Variants in RFPL1 observed in about 807,000 individuals in gnomAD.
RFPL1 encodes ret finger protein-like 1.
Under a neutral mutation model 9.6 loss-of-function variants are expected in RFPL1, and 6 were observed. The ratio of observed to expected loss-of-function variants is 0.62; its 90% confidence interval spans 0.34 to 1.23. The LOEUF is 1.23. Among genes scored for constraint, RFPL1 ranks in the 50% most tolerant of loss-of-function variants. The probability of loss-of-function intolerance (pLI) is 0.03; values close to 1 mark genes in which losing one functional copy is unlikely to be tolerated. For missense variants in RFPL1, 352 were observed against 398.4 expected (o/e 0.88, Z 0.99); for synonymous variants, 145 against 149.4 (o/e 0.97, Z 0.22).
chr22:29,410,589 A>AC, the RFPL1 span, among the ~76,000 whole-genome samples: 1 of 130,196 alleles, frequency 7.7e-6, no homozygotes, highest in South Asian at 2.3e-4. Context: ...ATATCTATCT[A>AC]TATATAGATA....
At chr22:29,436,190 A>G (rs112821532), upstream of RFPL1, among the ~76,000 whole-genome samples, 2,413 of 152,256 alleles carry the variant, frequency 0.016, 54 homozygotes, top group African/African-American at 0.056. Context: ...ATAAAATTAC[A>G]GCTAGATGGG....
chr22:29,419,091 C>A, the RFPL1 span: 1 of 973,480 alleles, frequency 1.0e-6, no homozygotes, highest in Admixed American at 1.7e-5. Flanking sequence ...CTGAAGTGGA[C>A]CCAAGCTATA....
At chr22:29,393,030 G>A in the RFPL1 span, among the ~76,000 whole-genome samples, 1 of 152,170 alleles carries the variant, frequency 6.6e-6, no homozygotes, top group Non-Finnish European at 1.5e-5. Flanking sequence ...ATGGGAGAAA[G>A]ATAAACAAAG....
chr22:29,433,017 AG>A, the RFPL1 span: 1 of 152,194 alleles, frequency 6.6e-6, no homozygotes, highest in African/African-American at 2.4e-5. Context: ...CTTACTAGCC[AG>A]GCACATTGGC....
chr22:29,441,488 G>A, intron 1 of RFPL1, 54 bp from the exon 2 acceptor site: 1 of 1,557,504 alleles, frequency 6.4e-7, no homozygotes, highest in Non-Finnish European at 8.7e-7. Flanking sequence ...GTAGAGGAGA[G>A]GCATGGGGTT....
Position 29,441,656 on chromosome 22 carries a change from T to C in RFPL1, c.488T>C (p.Phe163Ser), listed in dbSNP as rs774918682. Reference sequence around the variant, plus strand: ...AATCGGCAAGACCTTGCCGAGAGATTTGACGTGTCCATTTGCATCCTGGGC... The same window carrying C: ...AATCGGCAAGACCTTGCCGAGAGATCTGACGTGTCCATTTGCATCCTGGGC... The change falls in exon 2 of 2, where the codon TTT becomes TCT. Residue 163 changes from phenylalanine (F) to serine (S), a missense_variant. By Grantham distance (155) the Phe-to-Ser change is radical. Coordinates refer to ENST00000354373, the Ensembl canonical transcript of RFPL1. 1.9e-6 allele frequency: 3 copies of C among 1,613,898 alleles called. No individual in the cohort carries two copies. In the South Asian group the frequency reaches 3.3e-5, roughly 18 times the overall value.
At chr22:29,441,334 A>G in intron 1 of RFPL1, 1 of 581,960 alleles carries the variant, frequency 1.7e-6, no homozygotes, top group Non-Finnish European at 3.0e-6. Flanking sequence ...AATAATTGCT[A>G]CTGTGAATAA....
At chr22:29,408,363 G>A in the RFPL1 span, among the ~76,000 whole-genome samples, 36 of 152,180 alleles carry the variant, frequency 2.4e-4, no homozygotes, top group African/African-American at 8.7e-4. Flanking sequence ...CAACACCAAG[G>A]AGAATGGTCC....
the RFPL1 span, among the ~76,000 whole-genome samples, chr22:29,426,301 C>T: frequency 2.0e-5 from 3 of 149,732 alleles, no homozygotes; most frequent in Non-Finnish European, 3.0e-5. Context: ...CTAGCCTGGG[C>T]GACAGAGCAA....
the RFPL1 span, among the ~76,000 whole-genome samples, chr22:29,418,350 A>G: frequency 1.8e-4 from 28 of 152,282 alleles, no homozygotes; most frequent in African/African-American, 6.5e-4. Flanking sequence ...GGTGCGATAG[A>G]GGCTGCACAC....
At chr22:29,402,316 A>C in the RFPL1 span, among the ~76,000 whole-genome samples, 3 of 152,270 alleles carry the variant, frequency 2.0e-5, no homozygotes, top group Non-Finnish European at 4.4e-5. Context: ...TTTACTATTC[A>C]TCTTCATCAA....
upstream of RFPL1, chr22:29,435,059 C>G (rs2062802210): frequency 6.6e-6 from 1 of 152,232 alleles, no homozygotes; most frequent in African/African-American, 2.4e-5. Flanking sequence ...ATGCAAGAAA[C>G]TTTTCTGCTT....
chr22:29,392,295 G>C, the RFPL1 span, among the ~76,000 whole-genome samples: 1 of 144,526 alleles, frequency 6.9e-6, no homozygotes, highest in Non-Finnish European at 1.5e-5. Flanking sequence ...GACCAGGCTA[G>C]TCTTGAACTC....
chr22:29,436,734 A>C (rs1386060619), upstream of RFPL1: 3 of 152,200 alleles, frequency 2.0e-5, no homozygotes, highest in African/African-American at 7.2e-5. Context: ...AACTGAAAGT[A>C]AAGAGGAAAA....
the RFPL1 span, among the ~76,000 whole-genome samples, chr22:29,422,011 C>G: frequency 4.3e-4 from 66 of 152,198 alleles, no homozygotes; most frequent in African/African-American, 1.5e-3. Flanking sequence ...TTCATCTGGT[C>G]GGCAGGCATG....
the RFPL1 span, among the ~76,000 whole-genome samples, chr22:29,418,391 C>T: frequency 3.4e-3 from 518 of 152,014 alleles, 2 homozygotes; most frequent in African/African-American, 0.011. Context: ...CCAATCTGCA[C>T]ATGTATTTTA....
the RFPL1 span, among the ~76,000 whole-genome samples, chr22:29,395,851 T>G: frequency 5.3e-5 from 8 of 152,118 alleles, no homozygotes; most frequent in Admixed American, 5.2e-4. Context: ...TGAGTGCCTG[T>G]AATCCCAACT....
chr22:29,431,927 C>T, the RFPL1 span, among the ~76,000 whole-genome samples: 3 of 152,072 alleles, frequency 2.0e-5, no homozygotes, highest in Non-Finnish European at 2.9e-5. Flanking sequence ...CTCCTGACCT[C>T]GTGATCTACC....
upstream of RFPL1, among the ~76,000 whole-genome samples, chr22:29,435,492 A>G (rs374079236): frequency 1.6e-3 from 251 of 152,308 alleles, 10 homozygotes; most frequent in South Asian, 0.051. Flanking sequence ...CTCTGTCTTT[A>G]CATGTGGTTG....
Sources: allele counts gnomAD v4.1 joint callset (sites outside exome capture counted in the v4.1 genomes callset), GRCh38; gene constraint gnomAD v4.1.1; transcripts MANE v1.5; gene names NCBI Gene and HGNC (gene_info 2026-07-23, HGNC 2026-07-21).